The following NIPA1 variants were observed in gnomAD, a reference collection of about 807,000 sequenced individuals.
The protein encoded by NIPA1 is NIPA magnesium transporter 1, also known as magnesium transporter NIPA1.
A neutral mutation model predicts 23.9 loss-of-function variants in NIPA1; 13 were observed. The observed-to-expected ratio is 0.54, with a 90% CI of 0.35 to 0.87. The LOEUF is 0.87. NIPA1 is among the 40% of genes least tolerant of loss of function. The pLI is 0.01. For missense variants in NIPA1, 362 were observed against 429.7 expected (o/e 0.84, Z 1.39); for synonymous variants, 234 against 202.9 (o/e 1.15, Z -1.30).
chr15:22,795,227 CTT>C (rs1400747175), intron 1 of NIPA1, among the ~76,000 whole-genome samples: 1 of 151,946 alleles, frequency 6.6e-6, no homozygotes, highest in Admixed American at 6.6e-5. Context: ...AGTCGGGAGT[CTT>C]TGAATGGCTC....
chr15:22,822,011 C>T (rs1177206159), intron 4 of NIPA1, among the ~76,000 whole-genome samples: 1 of 152,136 alleles, frequency 6.6e-6, no homozygotes, highest in Non-Finnish European at 1.5e-5. Context: ...CTGGCCGACC[C>T]CACACCTTGT....
At chr15:22,808,669 T>C (rs1457204530) in intron 1 of NIPA1, among the ~76,000 whole-genome samples, 2 of 149,426 alleles carry the variant, frequency 1.3e-5, no homozygotes, top group African/African-American at 2.5e-5. Context: ...TGTGATCAAA[T>C]AGCAATATTC....
At chr15:22,816,410 ATT>A (rs1895418906) in intron 3 of NIPA1, among the ~76,000 whole-genome samples, 1 of 137,716 alleles carries the variant, frequency 7.3e-6, no homozygotes, top group Non-Finnish European at 1.5e-5. Context: ...GATGGTCTTG[ATT>A]TCCTGACCTT....
chr15:22,808,676 A>ATTTTTTTTTTT (rs1566783277), intron 1 of NIPA1, among the ~76,000 whole-genome samples: 5 of 52,602 alleles, frequency 9.5e-5, no homozygotes, highest in East Asian at 1.0e-3. Context: ...AAATAGCAAT[A>ATTTTTTTTTTT]TTCTTTTTTT....
intron 1 of NIPA1, among the ~76,000 whole-genome samples, chr15:22,789,549 TAGTA>T (rs1296887737): frequency 6.6e-6 from 1 of 152,000 alleles, no homozygotes; most frequent in African/African-American, 2.4e-5. Context: ...GGGATTTGGT[TAGTA>T]AGTAGGAGAG....
intron 1 of NIPA1, among the ~76,000 whole-genome samples, chr15:22,795,760 C>T (rs1429895056): frequency 6.6e-6 from 1 of 152,116 alleles, no homozygotes; most frequent in Non-Finnish European, 1.5e-5. Context: ...ATGTGAATGC[C>T]AGGGGCAAGA....
At chr15:22,803,259 G>T (rs1895125156) in intron 1 of NIPA1, among the ~76,000 whole-genome samples, 1 of 151,512 alleles carries the variant, frequency 6.6e-6, no homozygotes, top group Admixed American at 6.6e-5. Context: ...ATCTGGCTGG[G>T]TTCCCAAAGT....
At chr15:22,795,193 T>G (rs867037512) in intron 1 of NIPA1, among the ~76,000 whole-genome samples, 1 of 152,100 alleles carries the variant, frequency 6.6e-6, no homozygotes, top group Non-Finnish European at 1.5e-5. Flanking sequence ...ATCACTGATA[T>G]AGGCATGGTG....
At position 22,826,961 on chromosome 15, in the gene NIPA1, A is replaced by T. The variant is rs1250854923; in HGVS notation, c.*2722A>T. 4 of 152,202 alleles carry T rather than the reference A, an allele frequency of 2.6e-5. No homozygotes were observed. The highest frequency in any genetic ancestry group is 3.4e-3 in the Middle Eastern group (1 of 294). The allele number at this position is 152,202 out of a possible 1,614,324, so 9.4% of individuals were successfully genotyped here. The stretch of plus-strand genomic sequence containing the variant: ...CTTCTGATTTGATAGTATTTATTTT[A>T]AAAAATTATGTTTTCATCATTCATT... On this transcript the variant is annotated 3_prime_UTR_variant, in exon 5 of 5. Transcript: ENST00000337435.
rs117580035 is a variant in NIPA1 at position 22,815,856 on chromosome 15, C to T, written c.317+3603C>T. ...TAGAATAATCACCATGTGATCATCTCAAAAGACACACAAAAATTATGTGGT... is the reference window on the plus strand; with the variant it reads ...TAGAATAATCACCATGTGATCATCTTAAAAGACACACAAAAATTATGTGGT... On this transcript the variant is annotated intron_variant, in intron 3 of 4. Coordinates refer to ENST00000337435, the MANE Select transcript of NIPA1 (RefSeq NM_144599.5). 8.7e-3 allele frequency among the ~76,000 whole-genome samples: 1,328 copies of T among 152,248 alleles called. 8 individuals are homozygous for T. Among genetic ancestry groups the T allele is most frequent in the Non-Finnish European group, 0.011 (755 of 68,020 alleles).
At chr15:22,820,579 G>T in intron 4 of NIPA1, 106 bp downstream of exon 4, 1 of 845,774 alleles carries the variant, frequency 1.2e-6, no homozygotes, top group Non-Finnish European at 2.1e-6. Flanking sequence ...GAGGAACCGT[G>T]TGTCCACCCT....
chr15:22,812,654 A>G (rs183229919), intron 3 of NIPA1, among the ~76,000 whole-genome samples: 2,026 of 149,296 alleles, frequency 0.014, 45 homozygotes, highest in African/African-American at 0.046. Flanking sequence ...CTCTGCCTTA[A>G]AAAAAAAAAA....
intron 1 of NIPA1, 150 bp from the exon 2 acceptor site, chr15:22,810,599 A>G: frequency 1.5e-6 from 1 of 653,036 alleles, no homozygotes; most frequent in Non-Finnish European, 2.8e-6. Flanking sequence ...TTTATAGATG[A>G]AAGATTCTCT....
intron 2 of NIPA1, among the ~76,000 whole-genome samples, chr15:22,811,851 A>G (rs1303336463): frequency 6.6e-6 from 1 of 152,152 alleles, no homozygotes; most frequent in Non-Finnish European, 1.5e-5. Flanking sequence ...GTTCTGCCTG[A>G]TTTGTGTGAA....
In NIPA1 at chr15:22,820,343, A is replaced by T. The variant is rs1221554082; in HGVS notation, c.348A>T (p.Glu116Asp). 1 of 1,612,958 alleles carries T rather than the reference A, an allele frequency of 6.2e-7. No homozygotes were observed. Among genetic ancestry groups the T allele is most frequent in the Non-Finnish European group, 8.5e-7 (1 of 1,178,996 alleles). Residue 116 changes from glutamate (E) to aspartate (D), a missense_variant, in exon 4 of 5, where the codon GAA (glutamate) becomes GAT (aspartate). Glu to Asp is a conservative substitution (Grantham distance 45). Around this residue, in one of 2 missense-constraint regions of NIPA1, gnomAD observed 277 missense variants for 372.0 expected, o/e 0.74. Transcript: ENST00000337435. The stretch of plus-strand genomic sequence containing the variant: ...TTTTAGCTTCCTATCTCCTGAAGGA[A>T]AAGCTCAACATCTTGGGCAAGTTGG... ...GSILASYLLKEKLNILGKLGC... is the reference protein window; with the variant it reads ...GSILASYLLKDKLNILGKLGC...
In NIPA1 at chr15:22,799,471, C is replaced by G. The variant is rs866336474; in HGVS notation, c.179-11278C>G. 1.3e-4 allele frequency among the ~76,000 whole-genome samples: 20 copies of G among 151,912 alleles called. No homozygotes were observed. The South Asian group carries it at 3.3e-3, about 25-fold the overall frequency. Reference sequence around the variant, plus strand: ...ACCAGCCTGGGCAACATGGCGAAACCTCATCTCTAAAAAAAATACAAAAAT... The same window carrying G: ...ACCAGCCTGGGCAACATGGCGAAACGTCATCTCTAAAAAAAATACAAAAAT... On this transcript the variant is annotated intron_variant, in intron 1 of 4. Coordinates refer to ENST00000337435, the MANE Select transcript of NIPA1 (RefSeq NM_144599.5).
At chr15:22,792,326 C>T (rs150480239) in intron 1 of NIPA1, among the ~76,000 whole-genome samples, 16 of 151,896 alleles carry the variant, frequency 1.1e-4, no homozygotes, top group East Asian at 2.0e-4. Flanking sequence ...GGGACAGTCT[C>T]AGGAAAGCTG....
At chr15:22,787,997 G>A (rs574118695) in intron 1 of NIPA1, among the ~76,000 whole-genome samples, 38 of 152,172 alleles carry the variant, frequency 2.5e-4, no homozygotes, top group African/African-American at 8.7e-4. Context: ...ATTTTCCAAG[G>A]ATGCAGATGT....
rs890628939 is a variant in NIPA1, at chr15:22,827,720, G to A, written c.*3481G>A. 6 of 152,066 alleles carry A rather than the reference G, an allele frequency of 3.9e-5. No individual in the cohort carries two copies. The highest frequency in any genetic ancestry group is 7.3e-5 in the Non-Finnish European group (5 of 68,038). The allele number at this position is 152,066 out of a possible 1,614,324, so 9.4% of individuals were successfully genotyped here. A position where few individuals can be genotyped will look rare whatever the true frequency, so the allele number is the denominator to read the frequency against. On this transcript the variant is annotated 3_prime_UTR_variant, in exon 5 of 5. Transcript: ENST00000337435. ...GTGAGCACTGTTCACTTGTGCAGTCGTCTTATTTTCCTTCTTCCTAGATGA... is the reference window on the plus strand; with the variant it reads ...GTGAGCACTGTTCACTTGTGCAGTCATCTTATTTTCCTTCTTCCTAGATGA...
Sources: allele counts gnomAD v4.1 joint callset (sites outside exome capture counted in the v4.1 genomes callset), GRCh38; gene constraint gnomAD v4.1.1; regional missense constraint gnomAD v4.1.1; transcripts MANE v1.5; gene names NCBI Gene and HGNC (gene_info 2026-07-23, HGNC 2026-07-21).